RPH3A: variants seen among roughly 807,000 people sequenced by gnomAD.
The protein encoded by RPH3A is rabphilin 3A.
In RPH3A, 48 loss-of-function variants were observed where a neutral mutation model predicts 102.2. The observed-to-expected ratio is 0.47, with a 90% CI of 0.37 to 0.60. The LOEUF is 0.60. Among genes scored for constraint, RPH3A ranks in the 20% least tolerant of loss-of-function variants. RPH3A has a pLI of 0.00. For synonymous variants in RPH3A, 310 were observed against 324.3 expected (o/e 0.96, Z 0.47); for missense variants, 781 against 910.1 (o/e 0.86, Z 1.83).
Position 112,896,835 on chromosome 12 carries a change from C to G in RPH3A, c.*55C>G. 6.2e-7 allele frequency: 1 copy of G among 1,600,210 alleles called. No homozygotes were observed. The highest frequency in any genetic ancestry group is 1.3e-5 in the African/African-American group (1 of 74,686). The stretch of plus-strand genomic sequence containing the variant: ...CCGGGTCCCCCCCAGCCTGCTCTAG[C>G]TGCCCACCGCACCCTGATCTCTCTT... On this transcript the variant is annotated 3_prime_UTR_variant, in exon 22 of 22. Coordinates refer to ENST00000389385, the MANE Select transcript of RPH3A (RefSeq NM_001143854.2).
At chr12:112,647,424 A>G (rs994670768) in intron 1 of RPH3A, among the ~76,000 whole-genome samples, 2 of 152,210 alleles carry the variant, frequency 1.3e-5, no homozygotes, top group Non-Finnish European at 1.5e-5. Context: ...CTTTTATTGA[A>G]TATCTACTGC....
At chr12:112,752,118 A>T (rs1178368483) in intron 1 of RPH3A, among the ~76,000 whole-genome samples, 1 of 152,220 alleles carries the variant, frequency 6.6e-6, no homozygotes, top group Non-Finnish European at 1.5e-5. Context: ...TAATTATACA[A>T]TAAGCACATA....
chr12:112,639,147 T>C (rs1475960068), intron 1 of RPH3A, among the ~76,000 whole-genome samples: 1 of 152,058 alleles, frequency 6.6e-6, no homozygotes, highest in Non-Finnish European at 1.5e-5. Flanking sequence ...GGTTTACGGG[T>C]GTATCATTAT....
intron 1 of RPH3A, among the ~76,000 whole-genome samples, chr12:112,659,862 C>T (rs1464397359): frequency 6.6e-6 from 1 of 152,122 alleles, no homozygotes; most frequent in African/African-American, 2.4e-5. Context: ...TCGGGTGCCC[C>T]TTTGCTTTCT....
intron 1 of RPH3A, among the ~76,000 whole-genome samples, chr12:112,621,529 A>G (rs1330533934): frequency 6.8e-6 from 1 of 146,870 alleles, no homozygotes; most frequent in African/African-American, 2.6e-5. Flanking sequence ...CCACGAGACT[A>G]TATCCCACAC....
At chr12:112,757,383 C>T (rs1470249661) in intron 1 of RPH3A, among the ~76,000 whole-genome samples, 2 of 152,144 alleles carry the variant, frequency 1.3e-5, no homozygotes, top group African/African-American at 4.8e-5. Flanking sequence ...TCATAGACCT[C>T]AGTAGGACAT....
At chr12:112,764,482 C>G (rs1018297903) in intron 1 of RPH3A, among the ~76,000 whole-genome samples, 1 of 152,170 alleles carries the variant, frequency 6.6e-6, no homozygotes, top group Non-Finnish European at 1.5e-5. Context: ...TTTCCTAGAT[C>G]CTGACTAGGG....
intron 1 of RPH3A, among the ~76,000 whole-genome samples, chr12:112,627,296 C>T (rs1380852630): frequency 6.6e-6 from 1 of 150,404 alleles, no homozygotes; most frequent in African/African-American, 2.4e-5. Context: ...TGTAATACAA[C>T]ATATACTATA....
At chr12:112,586,985 T>C (rs2039444000) in intron 1 of RPH3A, among the ~76,000 whole-genome samples, 1 of 152,228 alleles carries the variant, frequency 6.6e-6, no homozygotes, top group South Asian at 2.1e-4. Context: ...TTGTCTCTTC[T>C]TGGATTAGGA....
At chr12:112,739,336 T>G (rs1274831496) in intron 1 of RPH3A, among the ~76,000 whole-genome samples, 2 of 152,170 alleles carry the variant, frequency 1.3e-5, no homozygotes, top group African/African-American at 2.4e-5. Flanking sequence ...GTGAAGTGTA[T>G]AATTCTATCC....
In RPH3A at chr12:112,713,565, G is replaced by GAA. The variant is rs5800967; in HGVS notation, c.-139-78569_-139-78568dup. On this transcript the variant is annotated intron_variant, in intron 1 of 21. Transcript: ENST00000543106. ...GAGAGAGATTACACAAGATTTGCAG[G>GAA]AAAAAAAAAAGCAGCCTAACAATAA... Among the ~76,000 whole-genome samples the GAA allele has an allele frequency of 1.0e-3, 149 of 149,066 alleles. No homozygotes were observed. In the South Asian group the frequency reaches 0.012, roughly 12 times the overall value.
At chr12:112,681,507 G>T (rs1212404003) in intron 1 of RPH3A, among the ~76,000 whole-genome samples, 1 of 152,180 alleles carries the variant, frequency 6.6e-6, no homozygotes, top group Non-Finnish European at 1.5e-5. Context: ...ATATGAGACT[G>T]GCTGTGTTTC....
intron 3 of RPH3A, among the ~76,000 whole-genome samples, chr12:112,829,305 G>A (rs950108381): frequency 1.3e-5 from 2 of 149,352 alleles, no homozygotes; most frequent in Non-Finnish European, 3.0e-5. Context: ...ACAGGGTCTT[G>A]CTCCTTTGCC....
intron 12 of RPH3A, 54 bp downstream of exon 12, chr12:112,875,795 C>T: frequency 1.3e-6 from 2 of 1,521,816 alleles, no homozygotes; most frequent in Non-Finnish European, 1.8e-6. Context: ...TCCCCTACCT[C>T]CCTGAGAGAG....
At chr12:112,674,486 A>G (rs2040158687) in intron 1 of RPH3A, among the ~76,000 whole-genome samples, 1 of 152,198 alleles carries the variant, frequency 6.6e-6, no homozygotes, top group Non-Finnish European at 1.5e-5. Context: ...TAGGTATCTG[A>G]TAATGCTGGA....
intron 1 of RPH3A, among the ~76,000 whole-genome samples, chr12:112,735,509 C>T (rs1209856150): frequency 6.6e-6 from 1 of 152,242 alleles, no homozygotes; most frequent in Non-Finnish European, 1.5e-5. Context: ...GTTTGGAAAC[C>T]TGCTGTGCTC....
At chr12:112,640,990 A>G (rs2039886000) in intron 1 of RPH3A, among the ~76,000 whole-genome samples, 1 of 152,220 alleles carries the variant, frequency 6.6e-6, no homozygotes, top group Non-Finnish European at 1.5e-5. Flanking sequence ...TGGTTGGGTC[A>G]CATTGAACAG....
intron 1 of RPH3A, among the ~76,000 whole-genome samples, chr12:112,636,582 G>A (rs1018002495): frequency 6.6e-6 from 1 of 152,160 alleles, no homozygotes; most frequent in African/African-American, 2.4e-5. Flanking sequence ...GAAGAATTGT[G>A]CCATCCAGGA....
chr12:112,650,782 T>C, intron 1 of RPH3A: 1 of 151,018 alleles, frequency 6.6e-6, no homozygotes, highest in Non-Finnish European at 1.5e-5. Flanking sequence ...CAGGCTGGAG[T>C]GCAGGAGCAG....
Sources: allele counts gnomAD v4.1 joint callset (sites outside exome capture counted in the v4.1 genomes callset), GRCh38; gene constraint gnomAD v4.1.1; transcripts MANE v1.5; gene names NCBI Gene and HGNC (gene_info 2026-07-23, HGNC 2026-07-21).